The following VPS13B variants were observed in gnomAD, a reference collection of about 807,000 sequenced individuals.
VPS13B encodes intermembrane lipid transfer protein VPS13B.
A neutral mutation model predicts 426.4 loss-of-function variants in VPS13B; 285 were observed. The observed-to-expected ratio is 0.67, with a 90% CI of 0.61 to 0.74. VPS13B has a LOEUF of 0.74. Among genes scored for constraint, VPS13B ranks in the 30% least tolerant of loss-of-function variants. The pLI is 0.00. For missense variants in VPS13B, 4,537 were observed against 4,782.6 expected, an observed-to-expected ratio of 0.95 and a Z score of 1.51; for synonymous variants, 1,676 against 1,676.4, an observed-to-expected ratio of 1.00 and a Z score of 0.01.
At chr8:99,646,022 G>A (rs1440778573) in intron 34 of VPS13B, among the ~76,000 whole-genome samples, 1 of 152,130 alleles carries the variant, frequency 6.6e-6, no homozygotes, top group Non-Finnish European at 1.5e-5. Flanking sequence ...AGTAAGTTGG[G>A]GGTGGCTAGC....
At chr8:99,102,631 A>G (rs1846817578) in intron 4 of VPS13B, among the ~76,000 whole-genome samples, 1 of 152,200 alleles carries the variant, frequency 6.6e-6, no homozygotes, top group African/African-American at 2.4e-5. Context: ...AAAATCAAAC[A>G]AAGTACTTGT....
chr8:99,343,902 C>T (rs1220389940), intron 19 of VPS13B, among the ~76,000 whole-genome samples: 4 of 152,092 alleles, frequency 2.6e-5, no homozygotes, highest in Admixed American at 6.5e-5. Context: ...CTATCCAAAA[C>T]GATTTACAGA....
In VPS13B at chr8:99,547,655, A is replaced by T. The variant is rs145369599; in HGVS notation, c.4746-8795A>T. Among the ~76,000 whole-genome samples, 78 of 152,192 alleles carry T rather than the reference A, an allele frequency of 5.1e-4. 2 individuals carry two copies. In the East Asian group the frequency reaches 0.012, roughly 24 times the overall value. On this transcript the variant is annotated intron_variant, in intron 30 of 61. Transcript: ENST00000357162. ...GCTATGTTTCCTGTTATATACTTAA[A>T]GTCTTCTTTGGTTCCTTATGATTAC...
chr8:99,572,786 A>G (rs983917207), intron 31 of VPS13B, among the ~76,000 whole-genome samples: 1 of 152,220 alleles, frequency 6.6e-6, no homozygotes, highest in African/African-American at 2.4e-5. Context: ...TCTTTATAGC[A>G]GCATGATTTA....
intron 19 of VPS13B, among the ~76,000 whole-genome samples, chr8:99,288,321 TTTACTC>T (rs1819552255): frequency 6.6e-6 from 1 of 152,060 alleles, no homozygotes; most frequent in Non-Finnish European, 1.5e-5. Flanking sequence ...CAGTCATACT[TTTACTC>T]TTCTATGTTT....
chr8:99,318,516 AATT>A (rs1809792533), intron 19 of VPS13B, among the ~76,000 whole-genome samples: 1 of 151,914 alleles, frequency 6.6e-6, no homozygotes, highest in Non-Finnish European at 1.5e-5. Flanking sequence ...ACTTACATGG[AATT>A]ATTATTTTTT....
chr8:99,460,137 A>G lies in VPS13B; in HGVS notation c.3446-7277A>G, dbSNP rs549815708. On this transcript the variant is annotated intron_variant, in intron 23 of 61. Transcript: ENST00000357162. ...ATTTGAACTCACTTGGTAATTTGCTATTTGTTGTCTGTTGTTCCTGTCTTT... is the reference window on the plus strand; with the variant it reads ...ATTTGAACTCACTTGGTAATTTGCTGTTTGTTGTCTGTTGTTCCTGTCTTT... Among the ~76,000 whole-genome samples the G allele has an allele frequency of 3.3e-5, 5 of 152,058 alleles. No individual in the cohort carries two copies. In the East Asian group the frequency reaches 9.7e-4, roughly 29 times the overall value.
intron 3 of VPS13B, among the ~76,000 whole-genome samples, chr8:99,069,037 A>C (rs1427178728): frequency 2.6e-5 from 4 of 152,290 alleles, no homozygotes; most frequent in East Asian, 1.9e-4. Flanking sequence ...GCATAAAATA[A>C]TTTAAAAATT....
At chr8:99,780,994 G>T (rs1811995106) in intron 42 of VPS13B, among the ~76,000 whole-genome samples, 1 of 152,144 alleles carries the variant, frequency 6.6e-6, no homozygotes, top group African/African-American at 2.4e-5. Context: ...TGAAAAATAT[G>T]AATTTAATAA....
intron 24 of VPS13B, among the ~76,000 whole-genome samples, chr8:99,474,635 C>G (rs1420739332): frequency 6.6e-6 from 1 of 152,094 alleles, no homozygotes; most frequent in Admixed American, 6.6e-5. Context: ...ATATCATTAT[C>G]AGGGGAAAAA....
intron 19 of VPS13B, among the ~76,000 whole-genome samples, chr8:99,311,189 A>G (rs370987248): frequency 6.6e-6 from 1 of 152,058 alleles, no homozygotes; most frequent in Non-Finnish European, 1.5e-5. Flanking sequence ...CTCTGATTTT[A>G]GTTATTTCTT....
chr8:99,400,721 G>A (rs1748127403), intron 21 of VPS13B, among the ~76,000 whole-genome samples: 1 of 152,084 alleles, frequency 6.6e-6, no homozygotes, highest in South Asian at 2.1e-4. Flanking sequence ...ATCCAGGCTG[G>A]AGTGCAGTGC....
intron 36 of VPS13B, among the ~76,000 whole-genome samples, chr8:99,708,022 A>C (rs116942814): frequency 0.035 from 5,349 of 152,282 alleles, 132 homozygotes; most frequent in Non-Finnish European, 0.05. Flanking sequence ...TTTTAAAAAA[A>C]TTGATTCTTC....
Position 99,871,476 on chromosome 8 carries a change from G to T in VPS13B, c.11524G>T (p.Glu3842Ter). Residue 3842 changes from glutamate (E) to a stop codon, truncating the protein, a stop_gained, in exon 61 of 62, where the codon GAA becomes TAA. Transcript: ENST00000357162. LOFTEE classifies it high-confidence loss of function. Reference sequence around the variant, plus strand: ...AATGCTTCAGTCTCTGGGCAGACCAGAAGTCCACATGGCCCTGGACGTGGT... The same window carrying T: ...AATGCTTCAGTCTCTGGGCAGACCATAAGTCCACATGGCCCTGGACGTGGT... Reference protein sequence around the residue: ...WKMLQSLGRPEVHMALDVVLV... With the variant: ...WKMLQSLGRP 1 of 1,614,234 alleles carries T rather than the reference G, an allele frequency of 6.2e-7. No homozygotes were observed. The highest frequency in any genetic ancestry group is 8.5e-7 in the Non-Finnish European group (1 of 1,180,044).
chr8:99,809,600 A>T lies in VPS13B; in HGVS notation c.8097+70A>T. ...AGTGTAATGGAGATGAAAATAATTA[A>T]TAATTTTTTTAAAATCACAGTGGTT... On this transcript the variant is annotated intron_variant, in intron 44 of 61. Coordinates refer to ENST00000357162, the MANE Select transcript of VPS13B (RefSeq NM_152564.5). 2.5e-6 allele frequency: 4 copies of T among 1,591,150 alleles called. No individual in the cohort carries two copies. The South Asian group carries it at 3.3e-5, about 13-fold the overall frequency.
intron 31 of VPS13B, among the ~76,000 whole-genome samples, chr8:99,560,301 T>G (rs1003490433): frequency 6.6e-6 from 1 of 152,114 alleles, no homozygotes; most frequent in Non-Finnish European, 1.5e-5. Flanking sequence ...CTTAAGGAGA[T>G]TTTGGGCTGA....
rs1357014935 is a variant in VPS13B, at chr8:99,303,146, A to G, written c.2824+27892A>G. Among the ~76,000 whole-genome samples, 11 of 148,210 alleles carry G rather than the reference A, an allele frequency of 7.4e-5. 1 individual carries two copies. Among genetic ancestry groups the G allele is most frequent in the African/African-American group, 2.2e-4 (9 of 40,642 alleles). ...ATACACAAAATTAGCTGGGCGTGGT[A>G]GAATGCTCCTGTAATCCCAGCTACT... On this transcript the variant is annotated intron_variant, in intron 19 of 61. Transcript: ENST00000357162.
chr8:99,190,449 G>C (rs11990888), intron 16 of VPS13B, among the ~76,000 whole-genome samples: 9,663 of 151,280 alleles, frequency 0.064, 330 homozygotes, highest in South Asian at 0.097. Context: ...CTTGCTGTTT[G>C]TTTTCTAGTT....
chr8:99,548,890 T>G (rs1477257669), intron 30 of VPS13B, among the ~76,000 whole-genome samples: 1 of 152,032 alleles, frequency 6.6e-6, no homozygotes, highest in African/African-American at 2.4e-5. Context: ...ATTTGTTTTA[T>G]TAGAGAAAAA....
Sources: allele counts gnomAD v4.1 joint callset (sites outside exome capture counted in the v4.1 genomes callset), GRCh38; gene constraint gnomAD v4.1.1; transcripts MANE v1.5; gene names NCBI Gene and HGNC (gene_info 2026-07-23, HGNC 2026-07-21).